SMIM14: variants seen among roughly 807,000 people sequenced by gnomAD.
SMIM14 encodes the protein small integral membrane protein 14.
Under a neutral mutation model 12.6 loss-of-function variants are expected in SMIM14, and 5 were observed. The ratio of observed to expected loss-of-function variants is 0.40; its 90% confidence interval spans 0.21 to 0.83. The LOEUF (loss-of-function observed/expected upper bound fraction) is 0.83. Among genes scored for constraint, SMIM14 ranks in the 40% least tolerant of loss-of-function variants. The pLI, the probability that SMIM14 is intolerant of heterozygous loss-of-function variation, is 0.37. For missense variants in SMIM14, 86 were observed against 119.1 expected, an observed-to-expected ratio of 0.72 and a Z score of 1.29; for synonymous variants, 30 against 40.1, an observed-to-expected ratio of 0.75 and a Z score of 0.95.
intron 2 of SMIM14, among the ~76,000 whole-genome samples, chr4:39,586,370 C>G (rs983813816): frequency 6.6e-5 from 10 of 151,962 alleles, no homozygotes; most frequent in Non-Finnish European, 1.3e-4. Context: ...ACAAGTTCTA[C>G]CTCCCACCCA....
chr4:39,565,833 G>A (rs893354512), intron 3 of SMIM14, among the ~76,000 whole-genome samples: 3 of 151,844 alleles, frequency 2.0e-5, no homozygotes, highest in African/African-American at 4.8e-5. Context: ...TATGGGGGGC[G>A]GGCCTTTCCT....
chr4:39,593,581 G>C (rs1714215663), intron 2 of SMIM14: 1 of 152,144 alleles, frequency 6.6e-6, no homozygotes, highest in Non-Finnish European at 1.5e-5. Context: ...AGGAAATAAA[G>C]GGTATTCAAT....
intron 4 of SMIM14, among the ~76,000 whole-genome samples, chr4:39,553,995 A>G (rs1299522179): frequency 6.6e-6 from 1 of 152,024 alleles, no homozygotes; most frequent in East Asian, 1.9e-4. Flanking sequence ...TAAATGTTCT[A>G]TTCCTTAAAA....
At chr4:39,607,915 T>C (rs1714873337) in intron 1 of SMIM14, among the ~76,000 whole-genome samples, 1 of 152,212 alleles carries the variant, frequency 6.6e-6, no homozygotes, top group Admixed American at 6.5e-5. Flanking sequence ...GGCTAATAAT[T>C]ATATTAAAAA....
chr4:39,634,117 C>T (rs1420673565), intron 1 of SMIM14, among the ~76,000 whole-genome samples: 1 of 152,100 alleles, frequency 6.6e-6, no homozygotes, highest in Non-Finnish European at 1.5e-5. Context: ...TTAGTAGAGA[C>T]GGGATTTCAC....
chr4:39,554,830 ATTTTTT>A (rs34845808), intron 4 of SMIM14, among the ~76,000 whole-genome samples: 1 of 124,020 alleles, frequency 8.1e-6, no homozygotes, highest in Non-Finnish European at 1.7e-5. Context: ...AATTCATGGA[ATTTTTT>A]TTTTTTTTTT....
At position 39,611,234 on chromosome 4, in the gene SMIM14, G is replaced by A. The variant is rs532539460; in HGVS notation, c.-35-6054C>T. On this transcript the variant is annotated intron_variant, in intron 1 of 4. Coordinates refer to ENST00000295958, the MANE Select transcript of SMIM14 (RefSeq NM_174921.3). Reference sequence around the variant, plus strand: ...AAAATTAATTCATCCAGCCAGACACGGTGGCTCACGCCTATAATCCCAGCA... The same window carrying A: ...AAAATTAATTCATCCAGCCAGACACAGTGGCTCACGCCTATAATCCCAGCA... Among the ~76,000 whole-genome samples, 6 of 152,280 alleles carry A rather than the reference G, an allele frequency of 3.9e-5. No homozygotes were observed. The South Asian group carries it at 8.3e-4, about 21-fold the overall frequency.
intron 2 of SMIM14, among the ~76,000 whole-genome samples, chr4:39,595,704 G>A (rs979864944): frequency 2.0e-5 from 3 of 151,550 alleles, no homozygotes; most frequent in Non-Finnish European, 4.4e-5. Flanking sequence ...TGCCTCCTGG[G>A]CTCAAGCGAT....
chr4:39,584,486 A>AAAAAAAAAAAAAAAAAAAAAAC (rs1713678798), intron 2 of SMIM14, among the ~76,000 whole-genome samples: 1 of 102,894 alleles, frequency 9.7e-6, no homozygotes, highest in Non-Finnish European at 1.9e-5. Context: ...TGTCTCAAAA[A>AAAAAAAAAAAAAAAAAAAAAAC]AAAAAAAAAA....
chr4:39,629,383 C>CATATAT (rs71645114), intron 1 of SMIM14, among the ~76,000 whole-genome samples: 2,526 of 118,236 alleles, frequency 0.021, 77 homozygotes, highest in African/African-American at 0.071. Flanking sequence ...AAAAAAGATA[C>CATATAT]ATATATATAT....
At chr4:39,577,497 G>A (rs1019346563) in intron 2 of SMIM14, among the ~76,000 whole-genome samples, 4 of 149,408 alleles carry the variant, frequency 2.7e-5, no homozygotes, top group Non-Finnish European at 4.4e-5. Flanking sequence ...ATACAATCTC[G>A]GCTCACTGCA....
intron 2 of SMIM14, among the ~76,000 whole-genome samples, chr4:39,573,252 C>T (rs1215965793): frequency 6.6e-6 from 1 of 152,028 alleles, no homozygotes; most frequent in African/African-American, 2.4e-5. Flanking sequence ...CCCGCCACCA[C>T]ACCCAGATAG....
At chr4:39,632,816 CACACACACACAAAAGA>C (rs891137074) in intron 1 of SMIM14, among the ~76,000 whole-genome samples, 5 of 143,758 alleles carry the variant, frequency 3.5e-5, no homozygotes, top group African/African-American at 1.1e-4. Context: ...CACACACACA[CACACACACACAAAAGA>C]AAAAGAAAAA....
chr4:39,600,563 G>A (rs186799563), intron 2 of SMIM14, among the ~76,000 whole-genome samples: 58 of 152,198 alleles, frequency 3.8e-4, no homozygotes, highest in Non-Finnish European at 3.8e-4. Flanking sequence ...GGTGGCAGGC[G>A]CTTGTAATCC....
chr4:39,587,353 C>A (rs1713830347), intron 2 of SMIM14, among the ~76,000 whole-genome samples: 1 of 151,280 alleles, frequency 6.6e-6, no homozygotes. Context: ...AAAAATTAGC[C>A]AGGCATGGTG....
intron 2 of SMIM14, among the ~76,000 whole-genome samples, chr4:39,575,084 T>TTG (rs1713101533): frequency 6.7e-6 from 1 of 149,466 alleles, no homozygotes; most frequent in East Asian, 1.9e-4. Context: ...AAATAGTTTT[T>TTG]TTTTTTTTTT....
At chr4:39,604,964 C>G in intron 2 of SMIM14, 107 bp downstream of exon 2, 1 of 725,548 alleles carries the variant, frequency 1.4e-6, no homozygotes, top group Non-Finnish European at 2.4e-6. Flanking sequence ...ATGAAATACT[C>G]TTTAGTGACC....
At chr4:39,620,652 A>T (rs1159429981) in intron 1 of SMIM14, among the ~76,000 whole-genome samples, 1 of 152,178 alleles carries the variant, frequency 6.6e-6, no homozygotes, top group Admixed American at 6.5e-5. Flanking sequence ...TGCTGAATAT[A>T]AAAGTGCTTG....
At chr4:39,596,760 A>G (rs529765794) in intron 2 of SMIM14, among the ~76,000 whole-genome samples, 13 of 152,234 alleles carry the variant, frequency 8.5e-5, no homozygotes, top group Middle Eastern at 3.4e-3. Flanking sequence ...TACTTCTAAA[A>G]TATCAGTTTA....
Sources: allele counts gnomAD v4.1 joint callset (sites outside exome capture counted in the v4.1 genomes callset), GRCh38; gene constraint gnomAD v4.1.1; transcripts MANE v1.5; gene names NCBI Gene and HGNC (gene_info 2026-07-23, HGNC 2026-07-21).